The following BRINP3 variants were observed in gnomAD, a reference collection of about 807,000 sequenced individuals.
BRINP3 encodes the protein BMP/retinoic acid-inducible neural-specific protein 3.
BRINP3 carries 19 observed loss-of-function variants against 71.0 expected under a neutral mutation model. That is an observed-to-expected ratio of 0.27 (90% CI 0.19 to 0.39). The LOEUF (loss-of-function observed/expected upper bound fraction) is 0.39, where lower values mean the gene tolerates loss of function less well. Among genes scored for constraint, BRINP3 ranks in the 10% least tolerant of loss-of-function variants. The pLI, the probability that BRINP3 is intolerant of heterozygous loss-of-function variation, is 1.00. For missense variants in BRINP3, 959 were observed against 940.8 expected (o/e 1.02, Z -0.25); for synonymous variants, 380 against 337.7 (o/e 1.13, Z -1.37).
intron 2 of BRINP3, among the ~76,000 whole-genome samples, chr1:190,284,698 C>T (rs1193146851): frequency 1.3e-5 from 2 of 152,070 alleles, no homozygotes; most frequent in East Asian, 3.9e-4. Context: ...TCTCACTTCA[C>T]CTTCTAATAT....
At chr1:190,273,371 GA>G (rs919208309) in intron 3 of BRINP3, among the ~76,000 whole-genome samples, 1 of 151,526 alleles carries the variant, frequency 6.6e-6, no homozygotes, top group Non-Finnish European at 1.5e-5. Flanking sequence ...AACTAAATGT[GA>G]TTTTGAAAAT....
intron 7 of BRINP3, among the ~76,000 whole-genome samples, chr1:190,128,726 T>C (rs896674088): frequency 2.0e-5 from 3 of 151,836 alleles, no homozygotes; most frequent in East Asian, 3.8e-4. Flanking sequence ...GAATTGCCTT[T>C]ACCTATGCAC....
chr1:190,122,357 G>T (rs1201946284), intron 7 of BRINP3, among the ~76,000 whole-genome samples: 2 of 152,026 alleles, frequency 1.3e-5, no homozygotes, highest in African/African-American at 4.8e-5. Context: ...TGGAAATAGG[G>T]TCTTTGCAGA....
In BRINP3 at chr1:190,406,582, C is replaced by T. The variant is rs75204289; in HGVS notation, c.236+48073G>A. Among the ~76,000 whole-genome samples, 35 of 152,204 alleles carry T rather than the reference C, an allele frequency of 2.3e-4. 1 individual carries two copies. The East Asian group carries it at 6.6e-3, about 29-fold the overall frequency. ...TTAGATGAACTGAGATACATTCTGT[C>T]CTGCTGTGACATATACCAGTTAATT... On this transcript the variant is annotated intron_variant, in intron 2 of 7. Coordinates refer to ENST00000367462, the MANE Select transcript of BRINP3 (RefSeq NM_199051.3).
chr1:190,195,652 C>T (rs890152108), intron 6 of BRINP3, among the ~76,000 whole-genome samples: 4 of 151,958 alleles, frequency 2.6e-5, no homozygotes, highest in African/African-American at 4.8e-5. Flanking sequence ...TGCCTAATTT[C>T]GTCCAGAGCT....
chr1:190,385,175 G>T (rs980919900), intron 2 of BRINP3, among the ~76,000 whole-genome samples: 55 of 152,150 alleles, frequency 3.6e-4, no homozygotes, highest in African/African-American at 1.2e-3. Context: ...CATGGGCAAG[G>T]ACTTCATGTC....
At chr1:190,180,864 A>G (rs888517601) in intron 6 of BRINP3, among the ~76,000 whole-genome samples, 2 of 152,124 alleles carry the variant, frequency 1.3e-5, no homozygotes, top group African/African-American at 4.8e-5. Context: ...AAAAAAGTAC[A>G]GACATAATCC....
At chr1:190,436,910 C>T (rs1231767877) in intron 2 of BRINP3, among the ~76,000 whole-genome samples, 1 of 151,768 alleles carries the variant, frequency 6.6e-6, no homozygotes. Flanking sequence ...AAACAAGATA[C>T]TATATTTACT....
At chr1:190,100,419 T>C (rs568344683) in intron 7 of BRINP3, among the ~76,000 whole-genome samples, 26 of 152,314 alleles carry the variant, frequency 1.7e-4, no homozygotes, top group African/African-American at 6.0e-4. Flanking sequence ...GCCAAAATCT[T>C]GTATGTTTTC....
intron 2 of BRINP3, among the ~76,000 whole-genome samples, chr1:190,325,492 G>A (rs1401372433): frequency 3.3e-5 from 5 of 151,948 alleles, no homozygotes; most frequent in Admixed American, 1.3e-4. Flanking sequence ...AGAAGTCATC[G>A]GAAGTAGATA....
At chr1:190,161,107 A>T (rs1394971716) in intron 6 of BRINP3, among the ~76,000 whole-genome samples, 1 of 152,044 alleles carries the variant, frequency 6.6e-6, no homozygotes, top group African/African-American at 2.4e-5. Flanking sequence ...TTAAAATAGA[A>T]CTTTCATGAA....
chr1:190,380,829 T>C (rs1472207759), intron 2 of BRINP3, among the ~76,000 whole-genome samples: 3 of 152,154 alleles, frequency 2.0e-5, no homozygotes, highest in African/African-American at 7.2e-5. Context: ...CACAATTTGT[T>C]CGAGCTTACA....
chr1:190,387,646 A>G (rs2102286941), intron 2 of BRINP3, among the ~76,000 whole-genome samples: 1 of 151,412 alleles, frequency 6.6e-6, no homozygotes, highest in East Asian at 2.0e-4. Flanking sequence ...TGATTATTCT[A>G]TTTTTCCGGT....
At chr1:190,224,138 T>G (rs1264197988) in intron 6 of BRINP3, among the ~76,000 whole-genome samples, 1 of 150,580 alleles carries the variant, frequency 6.6e-6, no homozygotes, top group African/African-American at 2.4e-5. Context: ...AAAAAAAAAA[T>G]TATAAAATAT....
chr1:190,276,058 C>G (rs1411528856), intron 3 of BRINP3, among the ~76,000 whole-genome samples: 2 of 151,296 alleles, frequency 1.3e-5, no homozygotes, highest in Non-Finnish European at 3.0e-5. Context: ...AATATCAGTA[C>G]AGCAGTCCTT....
chr1:190,329,445 C>A (rs538065346), intron 2 of BRINP3, among the ~76,000 whole-genome samples: 27 of 149,512 alleles, frequency 1.8e-4, no homozygotes, highest in Non-Finnish European at 2.2e-4. Flanking sequence ...TGCACACACA[C>A]AAAAAAAAAA....
rs936492443 is a variant in BRINP3, at chr1:190,465,106, A to T, written c.-50-10166T>A. On this transcript the variant is annotated intron_variant, in intron 1 of 7. Transcript: ENST00000367462. ...CCAGCACATAGGGGAAATTATTCTT[A>T]AGAGCCCCAAATACAAGAATCACCT... Among the ~76,000 whole-genome samples the T allele has an allele frequency of 1.3e-4, 20 of 151,920 alleles. No homozygotes were observed. The East Asian group carries it at 3.9e-3, about 29-fold the overall frequency.
intron 4 of BRINP3, among the ~76,000 whole-genome samples, chr1:190,264,090 G>T (rs1661434447): frequency 6.6e-6 from 1 of 152,018 alleles, no homozygotes; most frequent in Admixed American, 6.6e-5. Context: ...TTTTACAATG[G>T]CCATTTGACA....
intron 2 of BRINP3, among the ~76,000 whole-genome samples, chr1:190,310,859 A>C (rs1665467069): frequency 6.6e-6 from 1 of 151,806 alleles, no homozygotes; most frequent in South Asian, 2.1e-4. Context: ...AGAATAAATT[A>C]AATTAATAGA....
Sources: allele counts gnomAD v4.1 joint callset (sites outside exome capture counted in the v4.1 genomes callset), GRCh38; gene constraint gnomAD v4.1.1; transcripts MANE v1.5; gene names NCBI Gene and HGNC (gene_info 2026-07-23, HGNC 2026-07-21).